CNTN5: variants seen among roughly 807,000 people sequenced by gnomAD.
CNTN5 encodes the protein contactin 5, also known as contactin-5.
Under a neutral mutation model 129.1 loss-of-function variants are expected in CNTN5, and 77 were observed. That is an observed-to-expected ratio of 0.60 (90% confidence interval 0.50 to 0.72). The LOEUF (loss-of-function observed/expected upper bound fraction) is 0.72, where lower values mean the gene tolerates loss of function less well. Among genes scored for constraint, CNTN5 ranks in the 30% least tolerant of loss-of-function variants. CNTN5 has a pLI of 0.00. For synonymous variants in CNTN5, 509 were observed against 465.6 expected, an observed-to-expected ratio of 1.09 and a Z score of -1.20; for missense variants, 1,478 against 1,328.8, an observed-to-expected ratio of 1.11 and a Z score of -1.75.
intron 18 of CNTN5, among the ~76,000 whole-genome samples, chr11:100,296,812 T>G (rs1951108367): frequency 6.6e-6 from 1 of 151,552 alleles, no homozygotes; most frequent in Admixed American, 6.6e-5. Flanking sequence ...AATTTATTGT[T>G]TATGAGTATA....
chr11:99,331,097 A>G lies in CNTN5; in HGVS notation c.-71+5613A>G, dbSNP rs368335935. Among the ~76,000 whole-genome samples, 62 of 152,144 alleles carry G rather than the reference A, an allele frequency of 4.1e-4. 2 individuals are homozygous for G. In the South Asian group the frequency reaches 0.013, roughly 31 times the overall value. On this transcript the variant is annotated intron_variant, in intron 2 of 24. Coordinates refer to ENST00000524871, the MANE Select transcript of CNTN5 (RefSeq NM_014361.4). The stretch of plus-strand genomic sequence containing the variant: ...TTTCAAGAGTGTTAAGCTTCCCTCA[A>G]TTGGTTTTATTTTGGTTTAACTTCA...
At chr11:100,072,077 C>T (rs1416418660) in intron 12 of CNTN5, among the ~76,000 whole-genome samples, 1 of 152,050 alleles carries the variant, frequency 6.6e-6, no homozygotes, top group Non-Finnish European at 1.5e-5. Flanking sequence ...AAAAGGTTTA[C>T]ACAATACGTC....
intron 3 of CNTN5, among the ~76,000 whole-genome samples, chr11:99,599,470 G>A (rs187151879): frequency 6.6e-6 from 1 of 152,168 alleles, no homozygotes; most frequent in East Asian, 1.9e-4. Context: ...TAAGATGCCA[G>A]TTGCCTGCTA....
intron 1 of CNTN5, among the ~76,000 whole-genome samples, chr11:99,065,910 T>C (rs1865082882): frequency 6.6e-6 from 1 of 152,204 alleles, no homozygotes; most frequent in African/African-American, 2.4e-5. Flanking sequence ...ATAGAAGTGT[T>C]TTTAAAATTA....
intron 3 of CNTN5, among the ~76,000 whole-genome samples, chr11:99,801,320 C>T (rs150784359): frequency 4.9e-4 from 75 of 152,154 alleles, no homozygotes; most frequent in African/African-American, 1.7e-3. Flanking sequence ...TGATGAGGTC[C>T]TCTTTGTATG....
intron 8 of CNTN5, among the ~76,000 whole-genome samples, chr11:99,960,886 A>G (rs1026832945): frequency 1.3e-5 from 2 of 152,050 alleles, no homozygotes; most frequent in Non-Finnish European, 2.9e-5. Flanking sequence ...GAGAAGGTAG[A>G]GAGATAATAA....
chr11:99,707,416 A>G (rs1954803336), intron 3 of CNTN5, among the ~76,000 whole-genome samples: 1 of 151,714 alleles, frequency 6.6e-6, no homozygotes, highest in African/African-American at 2.4e-5. Context: ...ATCTAAATTA[A>G]TTTTCCTTCC....
At chr11:99,336,104 T>C (rs2136040584) in intron 2 of CNTN5, among the ~76,000 whole-genome samples, 1 of 152,310 alleles carries the variant, frequency 6.6e-6, no homozygotes, top group East Asian at 1.9e-4. Flanking sequence ...GGTATGTTTG[T>C]ACACAGTAGT....
chr11:100,255,928 A>C lies in CNTN5; in HGVS notation c.2164+10A>C. 6.2e-7 allele frequency: 1 copy of C among 1,613,338 alleles called. No homozygotes were observed. Among genetic ancestry groups the C allele is most frequent in the Non-Finnish European group, 8.5e-7 (1 of 1,179,354 alleles). Reference sequence around the variant, plus strand: ...CAAACAGTAAAGACAGGTAAGAGGCACTAAAGCAACATCAGATATAACCAG... The same window carrying C: ...CAAACAGTAAAGACAGGTAAGAGGCCCTAAAGCAACATCAGATATAACCAG... On this transcript the variant is annotated intron_variant, in intron 17 of 24. Transcript: ENST00000524871.
At chr11:99,830,477 C>T (rs1947105185) in intron 4 of CNTN5, among the ~76,000 whole-genome samples, 1 of 151,974 alleles carries the variant, frequency 6.6e-6, no homozygotes, top group Non-Finnish European at 1.5e-5. Flanking sequence ...TCAAAGCAAC[C>T]CCTTTGGTGA....
chr11:100,109,375 A>G (rs991143774), intron 13 of CNTN5, among the ~76,000 whole-genome samples: 10 of 152,238 alleles, frequency 6.6e-5, no homozygotes, highest in African/African-American at 2.2e-4. Flanking sequence ...GCAGTAAGCC[A>G]AGATTGCGCC....
intron 13 of CNTN5, among the ~76,000 whole-genome samples, chr11:100,086,348 A>C (rs1944552929): frequency 6.6e-6 from 1 of 150,916 alleles, no homozygotes; most frequent in East Asian, 1.9e-4. Context: ...CGAGCTAGCA[A>C]GAAGCTAGAA....
intron 1 of CNTN5, among the ~76,000 whole-genome samples, chr11:99,105,507 T>C (rs1365926627): frequency 6.6e-6 from 1 of 152,162 alleles, no homozygotes; most frequent in Non-Finnish European, 1.5e-5. Context: ...CAGCATCATA[T>C]TCCTACAACA....
rs1236532188 is a variant in CNTN5, at chr11:100,337,071, A to G, written c.2731-3392A>G. The G allele has an allele frequency of 3.1e-6, 4 of 1,281,372 alleles. No individual in the cohort carries two copies. In the East Asian group the frequency reaches 7.0e-5, roughly 22 times the overall value. 79.4% of individuals were successfully genotyped at this position (1,281,372 alleles called of 1,614,324 possible). On this transcript the variant is annotated intron_variant, in intron 21 of 24. Transcript: ENST00000524871. ...AAATTGGCAATGCTGAGATTTCACA[A>G]ATCACTCTTGTAGGGATCATCAGAC... is the stretch of plus-strand genomic sequence containing the variant.
chr11:99,497,831 A>G (rs1024730104), intron 2 of CNTN5, among the ~76,000 whole-genome samples: 1 of 152,206 alleles, frequency 6.6e-6, no homozygotes, highest in African/African-American at 2.4e-5. Context: ...TCGTTTTCAC[A>G]TCAGAAAACT....
intron 1 of CNTN5, among the ~76,000 whole-genome samples, chr11:99,123,893 C>T (rs1858485154): frequency 6.6e-6 from 1 of 151,932 alleles, no homozygotes; most frequent in Admixed American, 6.6e-5. Flanking sequence ...TGTTCTGATC[C>T]ATTGGTTTAT....
In CNTN5 at chr11:99,042,665, G is replaced by A. The variant is rs373656556; in HGVS notation, c.-210+21395G>A. On this transcript the variant is annotated intron_variant, in intron 1 of 24. Transcript: ENST00000524871. ...GTTGGGATTACAGGCGTGAGCCACC[G>A]CGCCCGGCCACCTCCCTTCTTTAAA... Among the ~76,000 whole-genome samples, 41 of 151,912 alleles carry A rather than the reference G, an allele frequency of 2.7e-4. No individual in the cohort carries two copies. The South Asian group carries it at 5.2e-3, about 19-fold the overall frequency.
intron 8 of CNTN5, among the ~76,000 whole-genome samples, chr11:99,971,302 T>C (rs1938515585): frequency 6.6e-6 from 1 of 152,078 alleles, no homozygotes; most frequent in Non-Finnish European, 1.5e-5. Flanking sequence ...CCCAGCACTT[T>C]GGGAGGCCAG....
At chr11:99,073,200 G>C (rs1256557363) in intron 1 of CNTN5, among the ~76,000 whole-genome samples, 3 of 151,518 alleles carry the variant, frequency 2.0e-5, no homozygotes, top group Non-Finnish European at 2.9e-5. Flanking sequence ...ATTTTTTTTT[G>C]GTGGACTTAA....
Sources: allele counts gnomAD v4.1 joint callset (sites outside exome capture counted in the v4.1 genomes callset), GRCh38; gene constraint gnomAD v4.1.1; transcripts MANE v1.5; gene names NCBI Gene and HGNC (gene_info 2026-07-23, HGNC 2026-07-21).